The following UNC5D variants were observed in gnomAD, a reference collection of about 807,000 sequenced individuals.
UNC5D encodes the protein unc-5 netrin receptor D, also known as netrin receptor UNC5D.
Under a neutral mutation model 105.4 loss-of-function variants are expected in UNC5D, and 39 were observed. That is an observed-to-expected ratio of 0.37 (90% confidence interval 0.29 to 0.48). The LOEUF (loss-of-function observed/expected upper bound fraction) is 0.48. Ranked by LOEUF, UNC5D falls within the 20% of genes least tolerant of loss-of-function variation. The pLI is 0.98. For synonymous variants in UNC5D, 452 were observed against 450.4 expected, an observed-to-expected ratio of 1.00 and a Z score of -0.04; for missense variants, 991 against 1,202.4, an observed-to-expected ratio of 0.82 and a Z score of 2.60.
chr8:35,634,567 G>A (rs146352963), intron 4 of UNC5D, among the ~76,000 whole-genome samples: 194 of 152,226 alleles, frequency 1.3e-3, no homozygotes, highest in African/African-American at 4.3e-3. Flanking sequence ...GCATTTAGAA[G>A]AAGCATACTG....
chr8:35,724,564 G>A (rs181643434), intron 9 of UNC5D, among the ~76,000 whole-genome samples: 160 of 152,294 alleles, frequency 1.1e-3, no homozygotes, highest in Non-Finnish European at 1.7e-3. Flanking sequence ...TTCTCTGACC[G>A]TGGATGCTAT....
chr8:35,536,921 G>A (rs897046854), intron 1 of UNC5D, among the ~76,000 whole-genome samples: 1 of 152,126 alleles, frequency 6.6e-6, no homozygotes, highest in African/African-American at 2.4e-5. Flanking sequence ...ACTTGAACAG[G>A]GGAGGCGAAG....
Position 35,722,888 on chromosome 8 carries a change from G to GA in UNC5D, c.1303+501dup, listed in dbSNP as rs542746801. 2.9e-4 allele frequency among the ~76,000 whole-genome samples: 44 copies of GA among 151,798 alleles called. 2 individuals are homozygous for GA. In the South Asian group the frequency reaches 8.1e-3, roughly 28 times the overall value. ...TAGATGATGGGTCAGCTAGCCAGGG[G>GA]AAAAAAAATGAAATTCCAGCCGAAA... On this transcript the variant is annotated intron_variant, in intron 9 of 16. Coordinates refer to ENST00000404895, the MANE Select transcript of UNC5D (RefSeq NM_080872.4).
intron 1 of UNC5D, among the ~76,000 whole-genome samples, chr8:35,288,990 G>A (rs1218378311): frequency 6.6e-6 from 1 of 152,122 alleles, no homozygotes; most frequent in African/African-American, 2.4e-5. Flanking sequence ...AAAGACAGTA[G>A]CAGGTTCTTA....
At chr8:35,600,997 G>C (rs7013473) in intron 4 of UNC5D, among the ~76,000 whole-genome samples, 71,690 of 151,616 alleles carry the variant, frequency 0.47, 20,555 homozygotes, top group African/African-American at 0.82. Context: ...GGAAGGGATC[G>C]AGTTTCAGCT....
At position 35,620,261 on chromosome 8, in the gene UNC5D, C is replaced by T. The variant is rs567248515; in HGVS notation, c.570+24604C>T. On this transcript the variant is annotated intron_variant, in intron 4 of 16. Transcript: ENST00000404895. Reference sequence around the variant, plus strand: ...CCAGTAACTTTGATCCCATTGGAGGCAGGTAGGAAACTCCGGCTTCTCGGG... The same window carrying T: ...CCAGTAACTTTGATCCCATTGGAGGTAGGTAGGAAACTCCGGCTTCTCGGG... Among the ~76,000 whole-genome samples, 6 of 152,240 alleles carry T rather than the reference C, an allele frequency of 3.9e-5. No homozygotes were observed. In the South Asian group the frequency reaches 1.2e-3, roughly 32 times the overall value.
At chr8:35,406,587 A>G (rs558366007) in intron 1 of UNC5D, among the ~76,000 whole-genome samples, 1 of 152,286 alleles carries the variant, frequency 6.6e-6, no homozygotes, top group African/African-American at 2.4e-5. Context: ...CAGCTTCAAA[A>G]AGTATATTTC....
At chr8:35,743,601 AAT>A (rs1491309979) in intron 11 of UNC5D, among the ~76,000 whole-genome samples, 5 of 150,482 alleles carry the variant, frequency 3.3e-5, no homozygotes, top group African/African-American at 1.2e-4. Context: ...AAAAAAAAAA[AAT>A]TTTTTTTAAA....
chr8:35,469,096 C>T (rs1809521998), intron 1 of UNC5D, among the ~76,000 whole-genome samples: 1 of 152,188 alleles, frequency 6.6e-6, no homozygotes, highest in South Asian at 2.1e-4. Flanking sequence ...TGTGATATAA[C>T]AGGAGGCATC....
chr8:35,341,481 T>C (rs1259018039), intron 1 of UNC5D, among the ~76,000 whole-genome samples: 2 of 151,624 alleles, frequency 1.3e-5, no homozygotes, highest in Non-Finnish European at 2.9e-5. Context: ...GTTTTTCCAG[T>C]AGTGACAAAT....
intron 4 of UNC5D, among the ~76,000 whole-genome samples, chr8:35,600,192 T>C (rs201576078): frequency 2.0e-5 from 3 of 152,152 alleles, no homozygotes; most frequent in African/African-American, 2.4e-5. Flanking sequence ...TTTCTTAATC[T>C]AGTTTATCAT....
chr8:35,734,933 G>A (rs1371520319), intron 11 of UNC5D, among the ~76,000 whole-genome samples: 2 of 151,612 alleles, frequency 1.3e-5, no homozygotes, highest in South Asian at 2.1e-4. Context: ...ACAGGCACCC[G>A]CCATCACACC....
chr8:35,745,240 C>A (rs767154919), intron 11 of UNC5D, among the ~76,000 whole-genome samples: 13 of 152,112 alleles, frequency 8.5e-5, no homozygotes, highest in Non-Finnish European at 1.6e-4. Context: ...TCAGAGAAAA[C>A]CTCATCAGTA....
At chr8:35,781,245 C>T (rs1802488979) in intron 16 of UNC5D, among the ~76,000 whole-genome samples, 2 of 152,158 alleles carry the variant, frequency 1.3e-5, no homozygotes, top group African/African-American at 4.8e-5. Flanking sequence ...TAATATGAAG[C>T]TGAACATAGA....
chr8:35,274,356 G>A (rs993530983), intron 1 of UNC5D, among the ~76,000 whole-genome samples: 5 of 152,166 alleles, frequency 3.3e-5, no homozygotes, highest in Non-Finnish European at 5.9e-5. Flanking sequence ...CAGCATAGCG[G>A]CACTCGTGTT....
intron 1 of UNC5D, among the ~76,000 whole-genome samples, chr8:35,389,737 TTA>T (rs1491472837): frequency 3.8e-4 from 21 of 54,920 alleles, no homozygotes; most frequent in African/African-American, 1.4e-3. Flanking sequence ...TCTGGCTGAT[TTA>T]AAAAAAAAAA....
chr8:35,504,480 G>T (rs2589350), intron 1 of UNC5D, among the ~76,000 whole-genome samples: 37,344 of 152,048 alleles, frequency 0.25, 5,065 homozygotes, highest in African/African-American at 0.38. Flanking sequence ...ACTTGCTTGT[G>T]AATGGTGGAG....
At chr8:35,451,296 G>T (rs567569667) in intron 1 of UNC5D, among the ~76,000 whole-genome samples, 1 of 152,184 alleles carries the variant, frequency 6.6e-6, no homozygotes, top group Non-Finnish European at 1.5e-5. Context: ...GCCTGCCTCA[G>T]CCTCCCAAAG....
intron 4 of UNC5D, among the ~76,000 whole-genome samples, chr8:35,612,378 T>C (rs1222295500): frequency 6.6e-6 from 1 of 152,058 alleles, no homozygotes; most frequent in Non-Finnish European, 1.5e-5. Context: ...GCTGAAGTCA[T>C]GCAAGTGTTA....
Sources: allele counts gnomAD v4.1 joint callset (sites outside exome capture counted in the v4.1 genomes callset), GRCh38; gene constraint gnomAD v4.1.1; transcripts MANE v1.5; gene names NCBI Gene and HGNC (gene_info 2026-07-23, HGNC 2026-07-21).